Variants in GRK5 observed in about 807,000 individuals in gnomAD.
The protein encoded by GRK5 is G protein-coupled receptor kinase 5.
Under a neutral mutation model 78.4 loss-of-function variants are expected in GRK5, and 40 were observed. The ratio of observed to expected loss-of-function variants is 0.51; its 90% CI spans 0.40 to 0.66. The LOEUF is 0.66. Among genes scored for constraint, GRK5 ranks in the 30% least tolerant of loss-of-function variants. The pLI, the probability that GRK5 is intolerant of heterozygous loss-of-function variation, is 0.00. For missense variants in GRK5, 598 were observed against 759.9 expected (o/e 0.79, Z 2.50); for synonymous variants, 289 against 296.8 (o/e 0.97, Z 0.27).
intron 2 of GRK5, among the ~76,000 whole-genome samples, chr10:119,327,380 C>T (rs868700757): frequency 5.9e-4 from 90 of 152,190 alleles, no homozygotes; most frequent in African/African-American, 2.0e-3. Context: ...CCCTTCTCCC[C>T]TCTGTGCCCT....
At chr10:119,301,215 C>T (rs562468781) in intron 1 of GRK5, among the ~76,000 whole-genome samples, 102 of 152,312 alleles carry the variant, frequency 6.7e-4, no homozygotes, top group African/African-American at 2.3e-3. Flanking sequence ...GTCATCTACA[C>T]CCCAGGACCC....
chr10:119,312,500 A>G (rs1331803496), intron 1 of GRK5, among the ~76,000 whole-genome samples: 1 of 152,326 alleles, frequency 6.6e-6, no homozygotes, highest in East Asian at 1.9e-4. Context: ...TTTTATGGGA[A>G]TACAGCCATG....
chr10:119,329,094 G>C (rs78599490), intron 2 of GRK5, among the ~76,000 whole-genome samples: 1,716 of 152,298 alleles, frequency 0.011, 35 homozygotes, highest in East Asian at 0.061. Context: ...TGAGGTGTAA[G>C]TGACCACTCA....
At chr10:119,441,334 G>A (rs1436968133) in intron 10 of GRK5, among the ~76,000 whole-genome samples, 1 of 152,206 alleles carries the variant, frequency 6.6e-6, no homozygotes, top group Admixed American at 6.5e-5. Flanking sequence ...AGGCAGGGAA[G>A]GGAAGGGGAC....
In GRK5 at chr10:119,452,739, G is replaced by A. The variant is rs375647738; in HGVS notation, c.1473G>A (p.Leu491=). 4 of 1,613,930 alleles carry A rather than the reference G, an allele frequency of 2.5e-6. No homozygotes were observed. The highest frequency in any genetic ancestry group is 3.4e-6 in the Non-Finnish European group (4 of 1,179,924). ...EQFSTVKGVN[L]DHTDDDFYSK... ...TCTCCACTGTGAAGGGCGTCAATCTGGACCACACAGACGACGACTTCTACT... is the reference window on the plus strand; with the variant it reads ...TCTCCACTGTGAAGGGCGTCAATCTAGACCACACAGACGACGACTTCTACT... Residue 491 remains leucine, a synonymous_variant, in exon 14 of 16, where the codon CTG becomes CTA. Coordinates refer to ENST00000392870, the MANE Select transcript of GRK5 (RefSeq NM_005308.3). This position sits in a 1 kb window ranked among gnomAD's most constrained non-coding sequence, Gnocchi z 4.4.
chr10:119,324,732 G>A (rs548714483), intron 1 of GRK5, among the ~76,000 whole-genome samples: 131 of 152,376 alleles, frequency 8.6e-4, no homozygotes, highest in Non-Finnish European at 1.5e-3. Flanking sequence ...AGCAGTATGC[G>A]CGTGTATGTT....
intron 1 of GRK5, among the ~76,000 whole-genome samples, chr10:119,293,988 C>A (rs967409959): frequency 1.8e-4 from 27 of 152,100 alleles, no homozygotes; most frequent in Non-Finnish European, 1.3e-4. Flanking sequence ...TCAACCTCCA[C>A]CCCCACCTCT....
intron 1 of GRK5, among the ~76,000 whole-genome samples, chr10:119,261,352 A>G (rs1849394233): frequency 6.9e-6 from 1 of 144,876 alleles, no homozygotes; most frequent in South Asian, 2.3e-4. Flanking sequence ...GCGGCCGGGA[A>G]GAGGCGCTCC....
At chr10:119,332,308 T>C (rs1029527777) in intron 2 of GRK5, among the ~76,000 whole-genome samples, 3 of 152,116 alleles carry the variant, frequency 2.0e-5, no homozygotes, top group Non-Finnish European at 4.4e-5. Flanking sequence ...GATTTTGCCA[T>C]GTTGCCCAGG....
At chr10:119,247,723 AG>A (rs1352666615) in intron 1 of GRK5, among the ~76,000 whole-genome samples, 5 of 152,152 alleles carry the variant, frequency 3.3e-5, no homozygotes, top group African/African-American at 9.7e-5. Flanking sequence ...TTTTGTTTAG[AG>A]GGGGCCACAT....
chr10:119,332,510 G>A (rs1050596076), intron 2 of GRK5, among the ~76,000 whole-genome samples: 2 of 152,162 alleles, frequency 1.3e-5, no homozygotes, highest in South Asian at 4.1e-4. Flanking sequence ...ACAAGTCCCC[G>A]GCACTGCTGA....
rs780179212 is a variant in GRK5 at position 119,455,269 on chromosome 10, G to A, written c.*202G>A. On this transcript the variant is annotated 3_prime_UTR_variant, in exon 16 of 16. Transcript: ENST00000392870. ...CAGGTCTGTTTTCCGAGGCGGCCCC[G>A]GCCGGGGTGGATTGGATTTGTCTTT... 81 of 699,154 alleles carry A rather than the reference G, an allele frequency of 1.2e-4. 1 individual carries two copies. The Middle Eastern group carries it at 1.8e-3, about 16-fold the overall frequency. 43.3% of individuals were successfully genotyped at this position (699,154 alleles called of 1,614,324 possible).
chr10:119,299,793 GATGTGTGT>G (rs1327699741), intron 1 of GRK5, among the ~76,000 whole-genome samples: 9 of 117,676 alleles, frequency 7.6e-5, no homozygotes, highest in East Asian at 2.1e-4. Flanking sequence ...CATTTAAGCA[GATGTGTGT>G]GTGTGTGTGT....
intron 3 of GRK5, among the ~76,000 whole-genome samples, chr10:119,383,097 ATT>A (rs975478082): frequency 2.0e-5 from 3 of 151,892 alleles, no homozygotes; most frequent in African/African-American, 7.3e-5. Flanking sequence ...AATTTTTTGT[ATT>A]TTTAGTAGAG....
At chr10:119,375,170 G>A (rs998174303) in intron 2 of GRK5, among the ~76,000 whole-genome samples, 2 of 152,020 alleles carry the variant, frequency 1.3e-5, no homozygotes, top group African/African-American at 2.4e-5. Flanking sequence ...ATCCTATGGT[G>A]GTCTCAGACC....
At chr10:119,300,169 G>A (rs1850151293) in intron 1 of GRK5, among the ~76,000 whole-genome samples, 1 of 152,198 alleles carries the variant, frequency 6.6e-6, no homozygotes, top group Admixed American at 6.5e-5. Flanking sequence ...CATGTCTCAT[G>A]ACCCTGGGTG....
In GRK5 at chr10:119,238,920, A is replaced by G. The variant is rs1390654597; in HGVS notation, c.52+30951A>G. Among the ~76,000 whole-genome samples, 1 of 152,112 alleles carries G rather than the reference A, an allele frequency of 6.6e-6. No homozygotes were observed. Among genetic ancestry groups the G allele is most frequent in the African/African-American group, 2.4e-5 (1 of 41,420 alleles). ...AAAGAGCAGAAAAAGCTGAGCAGAAAACTTTGTTTTGGAAAAGGGGGTGTT... is the reference window on the plus strand; with the variant it reads ...AAAGAGCAGAAAAAGCTGAGCAGAAGACTTTGTTTTGGAAAAGGGGGTGTT... On this transcript the variant is annotated intron_variant, in intron 1 of 15. Coordinates refer to ENST00000392870, the MANE Select transcript of GRK5 (RefSeq NM_005308.3). This position sits in a 1 kb window ranked among gnomAD's most constrained non-coding sequence, Gnocchi z 4.7.
At chr10:119,326,075 C>G (rs994901006) in intron 1 of GRK5, among the ~76,000 whole-genome samples, 41 of 152,358 alleles carry the variant, frequency 2.7e-4, no homozygotes, top group African/African-American at 9.9e-4. Context: ...GGGAAGGAGA[C>G]TCTCCACAGA....
intron 1 of GRK5, among the ~76,000 whole-genome samples, chr10:119,241,037 G>T (rs1414631500): frequency 1.3e-5 from 2 of 152,234 alleles, no homozygotes; most frequent in African/African-American, 4.8e-5. Flanking sequence ...GGGGCCACTT[G>T]TTCTCTCCTT....
Sources: gnomAD v4.1 joint callset for allele counts (sites outside exome capture counted in the v4.1 genomes callset) on GRCh38, gnomAD v4.1.1 for gene constraint, Gnocchi (gnomAD v3.1) non-coding constraint, MANE v1.5 for transcripts, NCBI Gene and HGNC (gene_info 2026-07-23, HGNC 2026-07-21) for gene names.